RFFL: variants seen among roughly 807,000 people sequenced by gnomAD.
RFFL encodes E3 ubiquitin-protein ligase rififylin.
Under a neutral mutation model 40.4 loss-of-function variants are expected in RFFL, and 16 were observed. The ratio of observed to expected loss-of-function variants is 0.40; its 90% CI spans 0.27 to 0.60. RFFL has a LOEUF of 0.60. Among genes scored for constraint, RFFL ranks in the 20% least tolerant of loss-of-function variants. RFFL has a pLI of 0.47. For missense variants in RFFL, 367 were observed against 451.7 expected (o/e 0.81, Z 1.70); for synonymous variants, 154 against 167.9 (o/e 0.92, Z 0.64).
At chr17:35,070,759 C>G (rs1023709179) in intron 1 of RFFL, among the ~76,000 whole-genome samples, 1 of 152,098 alleles carries the variant, frequency 6.6e-6, no homozygotes, top group African/African-American at 2.4e-5. Context: ...GTCAGCAGAC[C>G]ACTGTGACAC....
At chr17:35,016,324 A>G in intron 5 of RFFL, 46 bp downstream of exon 5, 1 of 1,547,848 alleles carries the variant, frequency 6.5e-7, no homozygotes, top group South Asian at 1.1e-5. Context: ...GAGTGACAGC[A>G]AACACTCCTG....
chr17:35,075,116 T>C (rs1028106309), intron 1 of RFFL, among the ~76,000 whole-genome samples: 6 of 152,170 alleles, frequency 3.9e-5, no homozygotes, highest in Non-Finnish European at 8.8e-5. Flanking sequence ...CTGTTCCCCA[T>C]CCCTCTTTCC....
chr17:35,037,926 A>C (rs1567707151), intron 1 of RFFL, among the ~76,000 whole-genome samples: 1 of 152,198 alleles, frequency 6.6e-6, no homozygotes, highest in Non-Finnish European at 1.5e-5. Flanking sequence ...TTATGACCAC[A>C]AAGTGTTACC....
chr17:35,040,942 G>A (rs1292394662), intron 1 of RFFL, among the ~76,000 whole-genome samples: 1 of 132,900 alleles, frequency 7.5e-6, no homozygotes, highest in Non-Finnish European at 1.5e-5. Context: ...GCAGTGGCTT[G>A]ATCATAGCTC....
chr17:35,024,704 T>C (rs528843019), intron 2 of RFFL, among the ~76,000 whole-genome samples: 9 of 152,254 alleles, frequency 5.9e-5, no homozygotes, highest in African/African-American at 2.2e-4. Context: ...AAGAAAAAGA[T>C]AGTAGGATCC....
rs745559103 is a variant in RFFL, at chr17:35,026,462, T to C, written c.92A>G (p.Asn31Ser). Residue 31 changes from asparagine to serine, a missense_variant, in exon 2 of 7, where the codon AAC becomes AGC. By Grantham distance (46) the Asn-to-Ser change is conservative (BLOSUM62 1). Transcript: ENST00000394597. ...GGAAGGGAAGGAGCTGTACCCAGGG[T>C]TGGAATAGGCCTGCATCCTGGCTCC... The part of the protein sequence containing the change: ...PQGARMQAYS[N>S]PGYSSFPSPT... 7 of 1,613,516 alleles carry C rather than the reference T, an allele frequency of 4.3e-6. No individual in the cohort carries two copies. Among genetic ancestry groups the C allele is most frequent in the Non-Finnish European group, 5.9e-6 (7 of 1,179,782 alleles).
At position 35,007,085 on chromosome 17, in the gene RFFL, C is replaced by G. The variant is rs577341894; in HGVS notation, c.*4883G>C. The G allele has an allele frequency of 6.6e-6, 1 of 152,160 alleles. No individual in the cohort carries two copies. The highest frequency in any genetic ancestry group is 2.4e-5 in the African/African-American group (1 of 41,346). The allele number at this position is 152,160 out of a possible 1,614,324, so 9.4% of individuals were successfully genotyped here. ...TTTCTCTCTTCAGCCTCAGGCCAAA[C>G]AAACAACCGGACAGGGCAGCAGAAC... is the stretch of plus-strand genomic sequence containing the variant. On this transcript the variant is annotated 3_prime_UTR_variant, in exon 7 of 7. Transcript: ENST00000394597.
chr17:35,021,032 G>A (rs568515939), intron 3 of RFFL, among the ~76,000 whole-genome samples: 2 of 152,256 alleles, frequency 1.3e-5, no homozygotes, highest in African/African-American at 2.4e-5. Context: ...GAGTTAAGTT[G>A]AAAGACAAAT....
intron 1 of RFFL, chr17:35,069,343 T>C (rs2091335824): frequency 4.4e-6 from 2 of 456,542 alleles, no homozygotes; most frequent in Admixed American, 2.3e-5. Context: ...ACGTGTTTCA[T>C]CTTGAAGGGT....
chr17:35,073,281 A>G (rs954705693), intron 1 of RFFL, among the ~76,000 whole-genome samples: 2 of 152,058 alleles, frequency 1.3e-5, no homozygotes, highest in Non-Finnish European at 2.9e-5. Context: ...AGCCATGAGT[A>G]ATGGGCCAGA....
chr17:35,012,573 A>C (rs776374855), intron 6 of RFFL, among the ~76,000 whole-genome samples: 4 of 152,244 alleles, frequency 2.6e-5, no homozygotes, highest in Non-Finnish European at 4.4e-5. Flanking sequence ...AAAAGTTTAG[A>C]TAGAAATGGA....
intron 1 of RFFL, among the ~76,000 whole-genome samples, chr17:35,061,494 T>C (rs2091290787): frequency 6.6e-6 from 1 of 152,182 alleles, no homozygotes; most frequent in South Asian, 2.1e-4. Flanking sequence ...AGTCTTCTTC[T>C]GTGCCTAGGC....
intron 1 of RFFL, among the ~76,000 whole-genome samples, chr17:35,040,501 GC>G (rs2091156717): frequency 6.6e-6 from 1 of 151,754 alleles, no homozygotes; most frequent in Admixed American, 6.6e-5. Flanking sequence ...CACTTGGGAG[GC>G]TGAGGTAGGA....
At chr17:35,047,088 C>G (rs776185938) in intron 1 of RFFL, among the ~76,000 whole-genome samples, 10 of 152,184 alleles carry the variant, frequency 6.6e-5, no homozygotes, top group Admixed American at 2.0e-4. Context: ...TACTCTGGTG[C>G]AGGAAAGAGG....
At chr17:35,057,625 C>T (rs192377867) in intron 1 of RFFL, among the ~76,000 whole-genome samples, 294 of 149,670 alleles carry the variant, frequency 2.0e-3, no homozygotes, top group Non-Finnish European at 3.2e-3. Context: ...ATCAGTGCTT[C>T]ATTTCTAAAT....
chr17:35,050,447 G>A (rs2091225140), intron 1 of RFFL, among the ~76,000 whole-genome samples: 1 of 151,954 alleles, frequency 6.6e-6, no homozygotes, highest in African/African-American at 2.4e-5. Flanking sequence ...TTGCTGCCTT[G>A]ACCTCCTGGG....
intron 1 of RFFL, among the ~76,000 whole-genome samples, chr17:35,085,477 T>C (rs2091424833): frequency 6.6e-6 from 1 of 152,252 alleles, no homozygotes; most frequent in Admixed American, 6.5e-5. Flanking sequence ...TTGCCCAGGC[T>C]GTAGCGCAGT....
chr17:35,078,192 T>C (rs540087950), intron 1 of RFFL, among the ~76,000 whole-genome samples: 35 of 152,284 alleles, frequency 2.3e-4, no homozygotes, highest in African/African-American at 7.9e-4. Flanking sequence ...TTTTTGATCA[T>C]AGTAAAATTT....
intron 2 of RFFL, among the ~76,000 whole-genome samples, chr17:35,023,616 C>CT (rs1198301854): frequency 1.3e-5 from 2 of 152,204 alleles, no homozygotes; most frequent in East Asian, 3.8e-4. Flanking sequence ...TTTAGGATGA[C>CT]TGAGACTGAA....
Sources: gnomAD v4.1 joint callset for allele counts (sites outside exome capture counted in the v4.1 genomes callset) on GRCh38, gnomAD v4.1.1 for gene constraint, MANE v1.5 for transcripts, NCBI Gene and HGNC (gene_info 2026-07-23, HGNC 2026-07-21) for gene names.